DLG2: variants seen among roughly 807,000 people sequenced by gnomAD.
DLG2 encodes the protein discs large MAGUK scaffold protein 2, also known as disks large homolog 2.
In DLG2, 45 loss-of-function variants were observed where a neutral mutation model predicts 132.5. The observed-to-expected ratio is 0.34, with a 90% CI of 0.27 to 0.44. The LOEUF is 0.44. Ranked by LOEUF, DLG2 falls within the 20% of genes least tolerant of loss-of-function variation. The pLI is 1.00. For synonymous variants in DLG2, 424 were observed against 419.6 expected, an observed-to-expected ratio of 1.01 and a Z score of -0.13; for missense variants, 1,045 against 1,196.9, an observed-to-expected ratio of 0.87 and a Z score of 1.87.
chr11:84,563,182 A>G (rs796804786), intron 6 of DLG2, among the ~76,000 whole-genome samples: 4 of 152,342 alleles, frequency 2.6e-5, no homozygotes, highest in African/African-American at 9.6e-5. Context: ...GAATATAAAA[A>G]TGAAGGAAGA....
chr11:83,842,688 T>C (rs956309270), intron 16 of DLG2, among the ~76,000 whole-genome samples: 1 of 151,146 alleles, frequency 6.6e-6, no homozygotes, highest in Non-Finnish European at 1.5e-5. Flanking sequence ...TGGTGGCGGG[T>C]GCCTGTAGCC....
intron 4 of DLG2, among the ~76,000 whole-genome samples, chr11:85,172,651 G>A (rs926683147): frequency 6.6e-6 from 1 of 152,058 alleles, no homozygotes; most frequent in Non-Finnish European, 1.5e-5. Flanking sequence ...TTCAGAGAGT[G>A]GTTAATAATG....
In DLG2 at chr11:83,927,965, C is replaced by T. The variant is rs1189523922; in HGVS notation, c.1496+2363G>A. Among the ~76,000 whole-genome samples the T allele has an allele frequency of 2.0e-5, 3 of 151,896 alleles. No individual in the cohort carries two copies. In the South Asian group the frequency reaches 6.2e-4, roughly 32 times the overall value. ...TTGAACAATGCGGTAGATGTGTGTG[C>T]CATTTACTAAGTTGAGGAAGTATGG... On this transcript the variant is annotated intron_variant, in intron 15 of 27. Coordinates refer to ENST00000376104, the MANE Select transcript of DLG2 (RefSeq NM_001142699.3).
chr11:84,277,906 G>T (rs1379923632), intron 7 of DLG2, among the ~76,000 whole-genome samples: 2 of 152,056 alleles, frequency 1.3e-5, no homozygotes, highest in Non-Finnish European at 2.9e-5. Flanking sequence ...AAATCTTTAT[G>T]TATGTAGGTA....
chr11:84,162,798 T>A (rs1273591572), intron 9 of DLG2, among the ~76,000 whole-genome samples: 1 of 152,182 alleles, frequency 6.6e-6, no homozygotes, highest in Non-Finnish European at 1.5e-5. Flanking sequence ...CTTAATGAGG[T>A]TGAACAGGTT....
intron 7 of DLG2, among the ~76,000 whole-genome samples, chr11:84,507,659 C>T (rs996790012): frequency 3.3e-5 from 5 of 152,092 alleles, no homozygotes; most frequent in South Asian, 2.1e-4. Context: ...ATGCCTAGTC[C>T]GTTGAGAGTT....
At chr11:85,194,429 G>A (rs902930555) in intron 4 of DLG2, among the ~76,000 whole-genome samples, 2 of 151,962 alleles carry the variant, frequency 1.3e-5, no homozygotes, top group African/African-American at 2.4e-5. Flanking sequence ...CCTCTTTGTA[G>A]GGGGAGACAG....
intron 17 of DLG2, among the ~76,000 whole-genome samples, chr11:83,788,376 A>C (rs923307034): frequency 6.6e-6 from 1 of 152,190 alleles, no homozygotes; most frequent in Non-Finnish European, 1.5e-5. Flanking sequence ...TTACATGGTA[A>C]CATTGGGGAG....
chr11:84,949,081 C>T (rs766650692), intron 6 of DLG2, among the ~76,000 whole-genome samples: 7 of 152,036 alleles, frequency 4.6e-5, no homozygotes, highest in South Asian at 2.1e-4. Flanking sequence ...TCCTAAGCGT[C>T]GGCTGGCTTG....
chr11:85,480,088 C>A (rs756841337), intron 3 of DLG2, among the ~76,000 whole-genome samples: 2 of 152,018 alleles, frequency 1.3e-5, no homozygotes, highest in Non-Finnish European at 2.9e-5. Flanking sequence ...AAAAAATTGG[C>A]AAATAATTTT....
chr11:85,211,386 T>C (rs1000371612), intron 4 of DLG2, among the ~76,000 whole-genome samples: 2 of 152,126 alleles, frequency 1.3e-5, no homozygotes, highest in Non-Finnish European at 2.9e-5. Context: ...AGTTAATAAT[T>C]TAAATCCTAT....
intron 6 of DLG2, among the ~76,000 whole-genome samples, chr11:84,680,003 A>G (rs903203111): frequency 3.3e-5 from 5 of 152,134 alleles, no homozygotes; most frequent in African/African-American, 1.2e-4. Context: ...CTTCATGAGC[A>G]TAGTTTGGTC....
At chr11:83,927,988 T>C (rs1284716166) in intron 15 of DLG2, among the ~76,000 whole-genome samples, 1 of 152,030 alleles carries the variant, frequency 6.6e-6, no homozygotes, top group East Asian at 1.9e-4. Context: ...TGAGGAAGTA[T>C]GGAGGAGGAG....
At chr11:83,539,943 C>A (rs1282480573) in intron 20 of DLG2, among the ~76,000 whole-genome samples, 1 of 152,142 alleles carries the variant, frequency 6.6e-6, no homozygotes, top group Admixed American at 6.5e-5. Context: ...AATCATAGAA[C>A]CTCAGGGTTG....
chr11:85,537,356 T>C (rs2075661147), intron 3 of DLG2, among the ~76,000 whole-genome samples: 1 of 152,214 alleles, frequency 6.6e-6, no homozygotes, highest in Non-Finnish European at 1.5e-5. Context: ...CTTTGTTCTT[T>C]CACTCTTCGC....
chr11:83,517,435 A>G (rs1253105622), intron 21 of DLG2, among the ~76,000 whole-genome samples: 1 of 151,998 alleles, frequency 6.6e-6, no homozygotes, highest in African/African-American at 2.4e-5. Context: ...ATCTTTCTTC[A>G]AGGTTTTTAA....
chr11:84,533,991 T>C (rs139402174), intron 7 of DLG2, among the ~76,000 whole-genome samples: 41 of 151,684 alleles, frequency 2.7e-4, no homozygotes, highest in African/African-American at 9.7e-4. Context: ...CTCATTTAAT[T>C]ATACCTTCTT....
intron 2 of DLG2, among the ~76,000 whole-genome samples, chr11:85,604,833 T>C (rs1333716181): frequency 6.6e-6 from 1 of 152,204 alleles, no homozygotes; most frequent in South Asian, 2.1e-4. Context: ...GGTTTAAGAA[T>C]AGCATCACCA....
intron 18 of DLG2, among the ~76,000 whole-genome samples, chr11:83,636,826 C>T (rs2064987776): frequency 6.6e-6 from 1 of 152,132 alleles, no homozygotes; most frequent in Non-Finnish European, 1.5e-5. Context: ...TAAAATTCCC[C>T]AAAATGAATG....
Sources: allele counts gnomAD v4.1 joint callset (sites outside exome capture counted in the v4.1 genomes callset), GRCh38; gene constraint gnomAD v4.1.1; transcripts MANE v1.5; gene names NCBI Gene and HGNC (gene_info 2026-07-23, HGNC 2026-07-21).